Variants in AOPEP observed in about 807,000 individuals in gnomAD.
The protein encoded by AOPEP is aminopeptidase O.
Under a neutral mutation model 98.1 loss-of-function variants are expected in AOPEP, and 77 were observed. The ratio of observed to expected loss-of-function variants is 0.78; its 90% CI spans 0.65 to 0.95. The LOEUF is 0.95. Ranked by LOEUF, AOPEP falls within the 40% of genes least tolerant of loss-of-function variation. AOPEP has a pLI of 0.00. For synonymous variants in AOPEP, 346 were observed against 365.3 expected (o/e 0.95, Z 0.60); for missense variants, 1,024 against 1,024.7 (o/e 1.00, Z 0.01).
chr9:95,090,173 G>C (rs992345780), downstream of AOPEP, among the ~76,000 whole-genome samples: 3 of 152,266 alleles, frequency 2.0e-5, no homozygotes, highest in Non-Finnish European at 4.4e-5. Context: ...CACTAGCAAC[G>C]TCACAGGGCC....
At chr9:95,048,580 C>T (rs1471448770) in intron 13 of AOPEP, among the ~76,000 whole-genome samples, 2 of 152,062 alleles carry the variant, frequency 1.3e-5, no homozygotes, top group Non-Finnish European at 2.9e-5. Flanking sequence ...CGGCCGGGAC[C>T]AGAACAGCGC....
chr9:94,922,568 C>T (rs145759747), intron 5 of AOPEP, among the ~76,000 whole-genome samples: 228 of 152,126 alleles, frequency 1.5e-3, no homozygotes, highest in African/African-American at 5.0e-3. Flanking sequence ...GTCTTCTCAA[C>T]GGGGTGACTT....
chr9:94,762,004 A>C (rs1838414990), intron 2 of AOPEP, among the ~76,000 whole-genome samples: 1 of 152,244 alleles, frequency 6.6e-6, no homozygotes, highest in Non-Finnish European at 1.5e-5. Context: ...ATGAGGAAGA[A>C]GGAACTATTG....
At chr9:94,851,230 G>A (rs117096496) in intron 5 of AOPEP, among the ~76,000 whole-genome samples, 1 of 152,272 alleles carries the variant, frequency 6.6e-6, no homozygotes, top group East Asian at 1.9e-4. Flanking sequence ...GGCGTGCCTT[G>A]GCATGCAAAG....
At chr9:95,044,472 G>A (rs2065651554) in intron 13 of AOPEP, among the ~76,000 whole-genome samples, 1 of 152,136 alleles carries the variant, frequency 6.6e-6, no homozygotes, top group South Asian at 2.1e-4. Context: ...GCAGCACTCC[G>A]ATAATTCTGT....
intron 5 of AOPEP, among the ~76,000 whole-genome samples, chr9:94,815,903 G>C (rs553597340): frequency 4.6e-5 from 7 of 152,090 alleles, no homozygotes; most frequent in Non-Finnish European, 1.0e-4. Flanking sequence ...TCAAGCTTTG[G>C]TTTAATAGGT....
At chr9:94,786,893 A>G (rs1844552294) in intron 3 of AOPEP, among the ~76,000 whole-genome samples, 1 of 152,178 alleles carries the variant, frequency 6.6e-6, no homozygotes, top group Admixed American at 6.5e-5. Context: ...TTTGACTGTC[A>G]CTTGGTAGCC....
intron 2 of AOPEP, among the ~76,000 whole-genome samples, chr9:94,772,603 C>G (rs1005739228): frequency 6.6e-6 from 1 of 152,178 alleles, no homozygotes; most frequent in African/African-American, 2.4e-5. Flanking sequence ...TCTCAGTGAT[C>G]TCCAAACATA....
At chr9:95,066,865 T>G (rs566945020) in intron 14 of AOPEP, among the ~76,000 whole-genome samples, 5 of 152,226 alleles carry the variant, frequency 3.3e-5, no homozygotes, top group Non-Finnish European at 7.3e-5. Flanking sequence ...TGCATTGGAC[T>G]TTAATTGGTG....
chr9:95,091,110 C>G (rs1269567974), downstream of AOPEP, among the ~76,000 whole-genome samples: 1 of 152,256 alleles, frequency 6.6e-6, no homozygotes, highest in Admixed American at 6.5e-5. Flanking sequence ...ACCCACAGAG[C>G]AGCTGAAAGC....
the AOPEP span, chr9:95,110,511 A>T: frequency 9.7e-7 from 1 of 1,030,812 alleles, no homozygotes; most frequent in Non-Finnish European, 1.2e-6. Context: ...TACGTGGGTT[A>T]TAATTTTTTC....
intron 5 of AOPEP, among the ~76,000 whole-genome samples, chr9:94,828,759 T>A (rs1369477727): frequency 6.6e-6 from 1 of 151,036 alleles, no homozygotes; most frequent in Non-Finnish European, 1.5e-5. Context: ...ACACACACAA[T>A]ATATATATAT....
intron 5 of AOPEP, among the ~76,000 whole-genome samples, chr9:94,812,233 T>C (rs1187591666): frequency 6.6e-6 from 1 of 152,152 alleles, no homozygotes; most frequent in Non-Finnish European, 1.5e-5. Flanking sequence ...TATTTACTTC[T>C]CTAATGGGTA....
chr9:94,759,622 T>C (rs1240969378), intron 1 of AOPEP, 27 bp from the exon 2 acceptor site: 8 of 615,532 alleles, frequency 1.3e-5, no homozygotes, highest in Non-Finnish European at 1.9e-5. Context: ...TGGAATTTTA[T>C]CTAATTGTGC....
At chr9:95,084,269 C>T (rs547355879) in intron 16 of AOPEP, among the ~76,000 whole-genome samples, 51 of 152,076 alleles carry the variant, frequency 3.4e-4, no homozygotes, top group Non-Finnish European at 5.3e-4. Context: ...TTCTGTGTAA[C>T]GTGTTTAAGT....
In AOPEP at chr9:95,075,956, C is replaced by T. The variant is rs532469690; in HGVS notation, c.2233-4738C>T. On this transcript the variant is annotated intron_variant, in intron 14 of 16. Transcript: ENST00000375315. The stretch of plus-strand genomic sequence containing the variant: ...GCCCCGATGGGGATGGGGGCTCTCC[C>T]GCTCCTGCAGGCTGGCAGCCCCTCC... Among the ~76,000 whole-genome samples, 47 of 152,342 alleles carry T rather than the reference C, an allele frequency of 3.1e-4. 1 individual carries two copies. Among genetic ancestry groups the T allele is most frequent in the African/African-American group, 1.1e-3 (44 of 41,568 alleles).
At chr9:95,120,752 C>CT in the AOPEP span, among the ~76,000 whole-genome samples, 1 of 152,140 alleles carries the variant, frequency 6.6e-6, no homozygotes, top group African/African-American at 2.4e-5. Context: ...TTTGTTCAAT[C>CT]TGACGTTTCT....
chr9:94,835,486 A>G (rs968781212), intron 5 of AOPEP, among the ~76,000 whole-genome samples: 2 of 152,232 alleles, frequency 1.3e-5, no homozygotes, highest in African/African-American at 4.8e-5. Flanking sequence ...CAACCATCAA[A>G]TAATAACCTC....
chr9:95,102,330 G>C, the AOPEP span, among the ~76,000 whole-genome samples: 2 of 152,180 alleles, frequency 1.3e-5, no homozygotes, highest in Admixed American at 6.5e-5. Flanking sequence ...GGACCTACTT[G>C]CTTTTTAATA....
Sources: allele counts gnomAD v4.1 joint callset (sites outside exome capture counted in the v4.1 genomes callset), GRCh38; gene constraint gnomAD v4.1.1; transcripts MANE v1.5; gene names NCBI Gene and HGNC (gene_info 2026-07-23, HGNC 2026-07-21).